The following FAM53B variants were observed in gnomAD, a reference collection of about 807,000 sequenced individuals.
The protein encoded by FAM53B is family with sequence similarity 53 member B.
In FAM53B, 12 loss-of-function variants were observed where a neutral mutation model predicts 32.7. The observed-to-expected ratio is 0.37, with a 90% CI of 0.24 to 0.59. The LOEUF is 0.59. Among genes scored for constraint, FAM53B ranks in the 20% least tolerant of loss-of-function variants. The pLI, the probability that FAM53B is intolerant of heterozygous loss-of-function variation, is 0.72. For synonymous variants in FAM53B, 234 were observed against 228.7 expected, an observed-to-expected ratio of 1.02 and a Z score of -0.21; for missense variants, 477 against 577.7, an observed-to-expected ratio of 0.83 and a Z score of 1.79.
chr10:124,653,118 G>A (rs997554863), intron 4 of FAM53B, among the ~76,000 whole-genome samples: 9 of 152,224 alleles, frequency 5.9e-5, no homozygotes, highest in Non-Finnish European at 1.3e-4. Context: ...CTTGAGGGCT[G>A]CCTGCCTCAC....
chr10:124,729,963 G>A (rs991408273), intron 1 of FAM53B, among the ~76,000 whole-genome samples: 1 of 152,162 alleles, frequency 6.6e-6, no homozygotes, highest in Non-Finnish European at 1.5e-5. Context: ...CAAGACAAGA[G>A]CTACAGTTCA....
chr10:124,684,384 C>G (rs947494978), intron 3 of FAM53B, among the ~76,000 whole-genome samples: 1 of 152,236 alleles, frequency 6.6e-6, no homozygotes, highest in South Asian at 2.1e-4. Flanking sequence ...GTACCTCTTC[C>G]TGCAAGTTGC....
In FAM53B at chr10:124,706,871, C is replaced by T; in HGVS notation, c.-158G>A. On this transcript the variant is annotated 5_prime_UTR_variant, in exon 2 of 5. Transcript: ENST00000337318. ...GGGTGGGGCCCTTCTGGGAAATGGCCAAATGTGGTCAACTCCCTGGAAAGA... is the reference window on the plus strand; with the variant it reads ...GGGTGGGGCCCTTCTGGGAAATGGCTAAATGTGGTCAACTCCCTGGAAAGA... 11 of 1,462,198 alleles carry T rather than the reference C, an allele frequency of 7.5e-6. No homozygotes were observed. The South Asian group carries it at 1.4e-4, about 18-fold the overall frequency. The allele number at this position is 1,462,198 out of a possible 1,614,324, so 90.6% of individuals were successfully genotyped here. A position where few individuals can be genotyped will look rare whatever the true frequency, so the allele number is the denominator to read the frequency against.
chr10:124,699,727 G>A (rs1310913368), intron 2 of FAM53B, among the ~76,000 whole-genome samples: 1 of 152,174 alleles, frequency 6.6e-6, no homozygotes, highest in African/African-American at 2.4e-5. Flanking sequence ...CACCTCCCCT[G>A]GCCCCAGGCT....
chr10:124,698,684 C>T (rs1949891671), intron 2 of FAM53B, among the ~76,000 whole-genome samples: 2 of 152,186 alleles, frequency 1.3e-5, no homozygotes, highest in Non-Finnish European at 2.9e-5. Context: ...CACCACCCCA[C>T]CATTGGCCCT....
rs367682100 is a variant in FAM53B at position 124,682,251 on chromosome 10, C to T, written c.262G>A (p.Ala88Thr). Residue 88 changes from alanine to threonine, a missense_variant, in exon 4 of 5, where the codon GCT (alanine) becomes ACT (threonine). Ala to Thr is a moderately conservative substitution (Grantham distance 58). This residue lies in a region of FAM53B where 312 missense variants were observed against 420.2 expected (regional missense o/e 0.74). Transcript: ENST00000337318. The surrounding 1 kb of genome is among the most constrained non-coding windows in gnomAD (Gnocchi z 5.2). ...LWHREAVTACAVTSLIKDLSI... is the reference protein window; with the variant it reads ...LWHREAVTACTVTSLIKDLSI... ...AGGTCTTTGATCAGACTGGTCACAG[C>T]GCAGGCGGTCACTGCCTCCCGGTGC... The T allele has an allele frequency of 1.7e-5, 27 of 1,614,002 alleles. No individual in the cohort carries two copies. The highest frequency in any genetic ancestry group is 2.2e-5 in the East Asian group (1 of 44,880).
At chr10:124,629,362 T>C (rs1949376172) in intron 4 of FAM53B, among the ~76,000 whole-genome samples, 1 of 152,260 alleles carries the variant, frequency 6.6e-6, no homozygotes, top group Admixed American at 6.5e-5. Flanking sequence ...CCACTGCTCC[T>C]CATGGCGGGA....
chr10:124,640,140 A>G (rs1379539649), intron 4 of FAM53B, among the ~76,000 whole-genome samples: 1 of 152,246 alleles, frequency 6.6e-6, no homozygotes, highest in Non-Finnish European at 1.5e-5. Context: ...CAGAGCCACC[A>G]CACCAACTGG....
chr10:124,698,967 A>C (rs1284437040), intron 2 of FAM53B, among the ~76,000 whole-genome samples: 1 of 152,070 alleles, frequency 6.6e-6, no homozygotes, highest in Non-Finnish European at 1.5e-5. Flanking sequence ...CACACCACCC[A>C]GTGGGGCCAG....
chr10:124,730,581 G>A (rs1950136145), intron 1 of FAM53B, among the ~76,000 whole-genome samples: 1 of 152,122 alleles, frequency 6.6e-6, no homozygotes, highest in Non-Finnish European at 1.5e-5. Flanking sequence ...CCCAGATTTG[G>A]ATTCTCCCCA....
At chr10:124,633,260 A>C (rs1038072355) in intron 4 of FAM53B, among the ~76,000 whole-genome samples, 8 of 152,064 alleles carry the variant, frequency 5.3e-5, no homozygotes, top group Admixed American at 5.2e-4. Flanking sequence ...AAAAAAAAAA[A>C]AACTTTAAAG....
intron 1 of FAM53B, among the ~76,000 whole-genome samples, chr10:124,732,396 C>T (rs923344658): frequency 1.3e-5 from 2 of 152,204 alleles, no homozygotes; most frequent in African/African-American, 4.8e-5. Flanking sequence ...CTTGGCCAGG[C>T]AGGAAGCTGG....
At chr10:124,638,107 C>T (rs1949445509) in intron 4 of FAM53B, among the ~76,000 whole-genome samples, 3 of 152,202 alleles carry the variant, frequency 2.0e-5, no homozygotes, top group South Asian at 2.1e-4. Flanking sequence ...CCATGGCTCA[C>T]ACCTGTAATC....
At chr10:124,631,334 T>A (rs527510901) in intron 4 of FAM53B, among the ~76,000 whole-genome samples, 8 of 152,122 alleles carry the variant, frequency 5.3e-5, no homozygotes, top group Non-Finnish European at 1.0e-4. Context: ...GAGGAGTTGA[T>A]CTTGGGGACA....
chr10:124,644,721 G>A (rs118104376), intron 4 of FAM53B, among the ~76,000 whole-genome samples: 444 of 152,294 alleles, frequency 2.9e-3, no homozygotes, highest in South Asian at 0.011. Flanking sequence ...TAGGGAACCC[G>A]AGAGTGCAGA....
intron 1 of FAM53B, among the ~76,000 whole-genome samples, chr10:124,727,858 T>C (rs1950116845): frequency 6.6e-6 from 1 of 152,212 alleles, no homozygotes; most frequent in Non-Finnish European, 1.5e-5. Flanking sequence ...AAAATTTACC[T>C]CCTGACTTGT....
chr10:124,715,572 G>A (rs4962687), intron 1 of FAM53B, among the ~76,000 whole-genome samples: 94,689 of 152,072 alleles, frequency 0.62, 30,663 homozygotes, highest in Admixed American at 0.75. Context: ...CCCCCTCCAC[G>A]TGTGCAGCCT....
chr10:124,686,716 G>A (rs1038366167), intron 3 of FAM53B, among the ~76,000 whole-genome samples: 1 of 152,242 alleles, frequency 6.6e-6, no homozygotes, highest in African/African-American at 2.4e-5. Flanking sequence ...AGGGCACACA[G>A]CAGACCTTAG....
chr10:124,660,218 T>C (rs1354585945), intron 4 of FAM53B, among the ~76,000 whole-genome samples: 1 of 152,128 alleles, frequency 6.6e-6, no homozygotes, highest in African/African-American at 2.4e-5. Context: ...CCCACCAAAA[T>C]GCTTCAGGAG....
Sources: gnomAD v4.1 joint callset for allele counts (sites outside exome capture counted in the v4.1 genomes callset) on GRCh38, gnomAD v4.1.1 for gene constraint, gnomAD v4.1.1 regional missense constraint, Gnocchi (gnomAD v3.1) non-coding constraint, MANE v1.5 for transcripts, NCBI Gene and HGNC (gene_info 2026-07-23, HGNC 2026-07-21) for gene names.